Variants in TLN2 observed in about 807,000 individuals in gnomAD.
TLN2 encodes the protein talin 2, also known as talin-2.
TLN2 carries 118 observed loss-of-function variants against 294.7 expected under a neutral mutation model. The ratio of observed to expected loss-of-function variants is 0.40; its 90% CI spans 0.34 to 0.47. The LOEUF (loss-of-function observed/expected upper bound fraction) is 0.47. TLN2 is among the 20% of genes least tolerant of loss of function. The pLI, the probability that TLN2 is intolerant of heterozygous loss-of-function variation, is 0.84. For missense variants in TLN2, 3,083 were observed against 3,282.2 expected, an observed-to-expected ratio of 0.94 and a Z score of 1.48; for synonymous variants, 1,431 against 1,304.5, an observed-to-expected ratio of 1.10 and a Z score of -2.09.
chr15:62,674,595 C>T (rs957432776), intron 10 of TLN2, among the ~76,000 whole-genome samples: 1 of 151,802 alleles, frequency 6.6e-6, no homozygotes, highest in Non-Finnish European at 1.5e-5. Flanking sequence ...TCCCCCCGCC[C>T]TGTTCAAGTG....
rs2041694216 is a variant in TLN2 at position 62,541,645 on chromosome 15, G to C, written c.-237-48042G>C. Among the ~76,000 whole-genome samples, 4 of 152,150 alleles carry C rather than the reference G, an allele frequency of 2.6e-5. No homozygotes were observed. In the South Asian group the frequency reaches 8.3e-4, roughly 32 times the overall value. On this transcript the variant is annotated intron_variant, in intron 1 of 58. Transcript: ENST00000636159. Reference sequence around the variant, plus strand: ...AGAGGAGGGGATTGAGATGGAAAGAGAATGAGCCATAGACGGCACACCTGA... The same window carrying C: ...AGAGGAGGGGATTGAGATGGAAAGACAATGAGCCATAGACGGCACACCTGA...
At chr15:62,816,066 C>T (rs1363653218) in intron 52 of TLN2, among the ~76,000 whole-genome samples, 1 of 152,192 alleles carries the variant, frequency 6.6e-6, no homozygotes, top group Non-Finnish European at 1.5e-5. Flanking sequence ...GAGTCACAGA[C>T]CCACAAAACC....
chr15:62,450,187 A>G (rs114203910), intron 1 of TLN2, among the ~76,000 whole-genome samples: 1,672 of 151,980 alleles, frequency 0.011, 25 homozygotes, highest in African/African-American at 0.038. Context: ...GCTTTTACTC[A>G]TACTCCTTGC....
In TLN2 at chr15:62,620,783, C is replaced by T. The variant is rs558925238; in HGVS notation, c.-37+2308C>T. On this transcript the variant is annotated intron_variant, in intron 3 of 58. Coordinates refer to ENST00000636159, the MANE Select transcript of TLN2 (RefSeq NM_015059.3). ...AGATGTGAGCCACCACACCCAGCCC[C>T]AAAGTGAATTTTCAGATTCCTGAAA... 4.6e-5 allele frequency among the ~76,000 whole-genome samples: 7 copies of T among 150,868 alleles called. 1 individual carries two copies. The highest frequency in any genetic ancestry group is 1.7e-4 in the African/African-American group (7 of 41,128).
chr15:62,465,597 G>A (rs1177541326), intron 1 of TLN2, among the ~76,000 whole-genome samples: 1 of 152,208 alleles, frequency 6.6e-6, no homozygotes, highest in Non-Finnish European at 1.5e-5. Context: ...AACAGCTGGA[G>A]CCAATGGAGA....
intron 16 of TLN2, among the ~76,000 whole-genome samples, chr15:62,699,521 G>A (rs2058580098): frequency 6.6e-6 from 1 of 152,104 alleles, no homozygotes; most frequent in East Asian, 1.9e-4. Context: ...TTTCAGCAAG[G>A]TAGGGTGATT....
At chr15:62,679,323 A>C (rs1432721407) in intron 11 of TLN2, among the ~76,000 whole-genome samples, 2 of 152,232 alleles carry the variant, frequency 1.3e-5, no homozygotes, top group African/African-American at 4.8e-5. Flanking sequence ...AAACTCACAC[A>C]TATGTGTTCA....
chr15:62,762,821 T>C (rs1309220498), intron 39 of TLN2, among the ~76,000 whole-genome samples: 1 of 152,202 alleles, frequency 6.6e-6, no homozygotes. Flanking sequence ...TGTCCGTATC[T>C]AGGAGTTTAG....
chr15:62,726,957 G>A (rs1238101212), intron 27 of TLN2, 130 bp from the exon 28 acceptor site: 25 of 903,582 alleles, frequency 2.8e-5, no homozygotes, highest in Non-Finnish European at 3.8e-5. Context: ...ACCCTGCTGC[G>A]GCTTAGTGCC....
intron 1 of TLN2, among the ~76,000 whole-genome samples, chr15:62,403,686 G>C (rs140836160): frequency 8.9e-4 from 135 of 152,198 alleles, no homozygotes; most frequent in Non-Finnish European, 1.4e-3. Context: ...GTCACAATCT[G>C]GTTCTCCTAC....
In TLN2 at chr15:62,763,694, A is replaced by C; in HGVS notation, c.5093A>C (p.Glu1698Ala). The C allele has an allele frequency of 6.2e-7, 1 of 1,602,588 alleles. No homozygotes were observed. The highest frequency in any genetic ancestry group is 8.5e-7 in the Non-Finnish European group (1 of 1,173,554). The change falls in exon 40 of 59, where the codon GAG (glutamate) becomes GCG (alanine). Residue 1698 changes from glutamate (E) to alanine (A), a missense_variant and splice_region_variant. Coordinates refer to ENST00000636159, the MANE Select transcript of TLN2 (RefSeq NM_015059.3). ...SLATRDDISV[E>A]ALQEQLTSVV... The stretch of plus-strand genomic sequence containing the variant: ...GCCACGAGGGACGACATCTCTGTGG[A>C]GGTAAGCTGGGAATCTGGGGGCCTG...
chr15:62,693,576 G>T (rs1301660785), intron 13 of TLN2, among the ~76,000 whole-genome samples: 1 of 147,600 alleles, frequency 6.8e-6, no homozygotes, highest in African/African-American at 2.5e-5. Flanking sequence ...TTGGATTGAG[G>T]GGCCAAAAAT....
At chr15:62,434,553 G>C (rs1214416683) in intron 1 of TLN2, among the ~76,000 whole-genome samples, 2 of 152,164 alleles carry the variant, frequency 1.3e-5, no homozygotes, top group Non-Finnish European at 2.9e-5. Context: ...AGTTAAGTCA[G>C]AAAGTATGTT....
intron 2 of TLN2, among the ~76,000 whole-genome samples, chr15:62,601,321 C>G (rs2046984978): frequency 6.6e-6 from 1 of 152,142 alleles, no homozygotes; most frequent in South Asian, 2.1e-4. Flanking sequence ...TCAATTGTGC[C>G]AAGGTTGAGA....
chr15:62,627,021 A>G (rs1006781487), intron 3 of TLN2, among the ~76,000 whole-genome samples: 2 of 152,218 alleles, frequency 1.3e-5, no homozygotes, highest in Admixed American at 6.5e-5. Flanking sequence ...GATTGTGGAT[A>G]TATTGCTGGG....
At chr15:62,648,404 C>CA (rs66528062) in intron 4 of TLN2, among the ~76,000 whole-genome samples, 3,231 of 61,176 alleles carry the variant, frequency 0.053, 78 homozygotes, top group East Asian at 0.12. Flanking sequence ...GACCCTGACT[C>CA]AAAAAAAAAA....
At chr15:62,737,196 T>C (rs937762399) in intron 29 of TLN2, 110 bp downstream of exon 29, 4 of 1,149,584 alleles carry the variant, frequency 3.5e-6, no homozygotes, top group Non-Finnish European at 5.0e-6. Context: ...ACACAGCAGA[T>C]GTTTTCAGAA....
At chr15:62,696,467 G>A (rs1028715473) in intron 14 of TLN2, among the ~76,000 whole-genome samples, 2 of 152,214 alleles carry the variant, frequency 1.3e-5, no homozygotes, top group African/African-American at 4.8e-5. Context: ...AGCACTTTGG[G>A]AGGCTGAGGC....
chr15:62,712,465 A>G (rs1033960351), intron 22 of TLN2, among the ~76,000 whole-genome samples: 5 of 152,188 alleles, frequency 3.3e-5, no homozygotes, highest in Non-Finnish European at 7.4e-5. Context: ...CTTCTCAACT[A>G]TTATCAAGAT....
Sources: allele counts gnomAD v4.1 joint callset (sites outside exome capture counted in the v4.1 genomes callset), GRCh38; gene constraint gnomAD v4.1.1; transcripts MANE v1.5; gene names NCBI Gene and HGNC (gene_info 2026-07-23, HGNC 2026-07-21).